Variants in DACH1 observed in about 807,000 individuals in gnomAD.
The protein encoded by DACH1 is dachshund family transcription factor 1.
Under a neutral mutation model 54.2 loss-of-function variants are expected in DACH1, and 12 were observed. The ratio of observed to expected loss-of-function variants is 0.22; its 90% CI spans 0.14 to 0.36. The LOEUF (loss-of-function observed/expected upper bound fraction) is 0.36, where lower values mean the gene tolerates loss of function less well. DACH1 is among the 10% of genes least tolerant of loss of function. The probability of loss-of-function intolerance (pLI) is 1.00; values close to 1 mark genes in which losing one functional copy is unlikely to be tolerated. For synonymous variants in DACH1, 386 were observed against 366.2 expected, an observed-to-expected ratio of 1.05 and a Z score of -0.62; for missense variants, 805 against 929.8, an observed-to-expected ratio of 0.87 and a Z score of 1.75.
intron 1 of DACH1, among the ~76,000 whole-genome samples, chr13:71,712,645 T>A (rs1882773974): frequency 6.6e-6 from 1 of 152,188 alleles, no homozygotes; most frequent in Non-Finnish European, 1.5e-5. Context: ...CATGCTGGCC[T>A]ATTACATATC....
At chr13:71,606,153 T>C (rs1340501036) in intron 3 of DACH1, among the ~76,000 whole-genome samples, 1 of 152,128 alleles carries the variant, frequency 6.6e-6, no homozygotes, top group Non-Finnish European at 1.5e-5. Flanking sequence ...ACCTTCATTA[T>C]GCTGCTTAAC....
At chr13:71,444,958 C>T (rs1874319640) in intron 10 of DACH1, among the ~76,000 whole-genome samples, 1 of 152,100 alleles carries the variant, frequency 6.6e-6, no homozygotes, top group South Asian at 2.1e-4. Context: ...CCTTCTGCTG[C>T]CTCCTATTGA....
chr13:71,595,624 C>A (rs1874043677), intron 3 of DACH1, among the ~76,000 whole-genome samples: 2 of 152,028 alleles, frequency 1.3e-5, no homozygotes, highest in African/African-American at 4.8e-5. Flanking sequence ...AAAAAAATTC[C>A]CAAAGACTTG....
chr13:71,806,518 A>C (rs1454788985), intron 1 of DACH1, among the ~76,000 whole-genome samples: 2 of 152,200 alleles, frequency 1.3e-5, no homozygotes, highest in African/African-American at 4.8e-5. Context: ...CCTTATAGGC[A>C]GTCAGCCACT....
At position 71,439,938 on chromosome 13, in the gene DACH1, C is replaced by T. The variant is rs9529895; in HGVS notation, c.*717G>A. 0.78 allele frequency: 118,799 copies of T among 152,092 alleles called. 48,872 individuals are homozygous for T. Among genetic ancestry groups the T allele is most frequent in the South Asian group, 0.9 (4,353 of 4,814 alleles). 9.4% of individuals were successfully genotyped at this position (152,092 alleles called of 1,614,324 possible). On this transcript the variant is annotated 3_prime_UTR_variant, in exon 11 of 11. Transcript: ENST00000613252. ...CAGTTTGGAATGAAAACATGTTACA[C>T]TTATATATTTTTTTTTATTTTTAAG...
rs540730866 is a variant in DACH1, at chr13:71,654,389, CAAAATAAAATAAAATAAAATAAAAT to C, written c.965-23697_965-23673del. On this transcript the variant is annotated intron_variant, in intron 2 of 10. Transcript: ENST00000613252. Reference sequence around the variant, plus strand: ...TGGGCGACAGAGTGAGACTCTGTCTCAAAATAAAATAAAATAAAATAAAATAAAATAAAATAAAATAAAATAAAAT... The same window carrying C: ...TGGGCGACAGAGTGAGACTCTGTCTCAAAATAAAATAAAATAAAATAAAAT... 7.1e-3 allele frequency among the ~76,000 whole-genome samples: 427 copies of C among 60,374 alleles called. 12 individuals are homozygous for C. The highest frequency in any genetic ancestry group is 0.023 in the African/African-American group (366 of 15,918). 39.6% of individuals were successfully genotyped at this position (60,374 alleles called of 152,430 possible).
At chr13:71,694,197 C>A (rs978494588) in intron 1 of DACH1, among the ~76,000 whole-genome samples, 1 of 139,522 alleles carries the variant, frequency 7.2e-6, no homozygotes. Context: ...AACCTGTAAA[C>A]ACACACACAC....
chr13:71,744,155 CAAAG>C lies in DACH1; in HGVS notation c.849-62249_849-62246del, dbSNP rs548435196. On this transcript the variant is annotated intron_variant, in intron 1 of 10. Transcript: ENST00000613252. Reference sequence around the variant, plus strand: ...CCTCCCTAAATAGTAGAAAAAGCAACAAAGAAAGGTTGAACCATTTGATGATTTG... The same window carrying C: ...CCTCCCTAAATAGTAGAAAAAGCAACAAAGGTTGAACCATTTGATGATTTG... 2.1e-4 allele frequency among the ~76,000 whole-genome samples: 32 copies of C among 152,134 alleles called. 1 individual carries two copies. In the South Asian group the frequency reaches 6.6e-3, roughly 32 times the overall value.
At chr13:71,491,012 A>G (rs1352010972) in intron 6 of DACH1, among the ~76,000 whole-genome samples, 1 of 152,168 alleles carries the variant, frequency 6.6e-6, no homozygotes, top group African/African-American at 2.4e-5. Context: ...ATAAAGAATC[A>G]TATGTATGTG....
chr13:71,717,644 A>G (rs1303105371), intron 1 of DACH1, among the ~76,000 whole-genome samples: 1 of 151,776 alleles, frequency 6.6e-6, no homozygotes, highest in Non-Finnish European at 1.5e-5. Flanking sequence ...TAAATTGTCC[A>G]TTTCGTAACT....
chr13:71,477,104 A>ATATATATT (rs1566282945), intron 8 of DACH1, among the ~76,000 whole-genome samples: 3 of 43,254 alleles, frequency 6.9e-5, no homozygotes, highest in African/African-American at 2.6e-4. Flanking sequence ...ATATATATAT[A>ATATATATT]TTTTTTTTTT....
chr13:71,552,700 GT>G (rs1883891243), intron 6 of DACH1, among the ~76,000 whole-genome samples: 1 of 146,894 alleles, frequency 6.8e-6, no homozygotes, highest in African/African-American at 2.5e-5. Flanking sequence ...GATCAGCAAT[GT>G]TTTAAAACAC....
At chr13:71,588,038 C>T (rs1226688213) in intron 3 of DACH1, among the ~76,000 whole-genome samples, 3 of 152,050 alleles carry the variant, frequency 2.0e-5, no homozygotes, top group African/African-American at 7.2e-5. Context: ...TAAGTAATAA[C>T]TTTAGCGATT....
intron 1 of DACH1, among the ~76,000 whole-genome samples, chr13:71,740,420 A>G (rs1444411872): frequency 6.6e-6 from 1 of 152,206 alleles, no homozygotes; most frequent in Non-Finnish European, 1.5e-5. Flanking sequence ...CCAACTAAAC[A>G]TGAAGCACAG....
chr13:71,559,938 G>C lies in DACH1; in HGVS notation c.1317C>G (p.Ser439Arg). The C allele has an allele frequency of 6.3e-7, 1 of 1,588,222 alleles. No homozygotes were observed. The highest frequency in any genetic ancestry group is 8.6e-7 in the Non-Finnish European group (1 of 1,168,278). Residue 439 changes from serine (S) to arginine (R), a missense_variant, in exon 5 of 11, where the codon AGC (serine) becomes AGG (arginine). Coordinates refer to ENST00000613252, the MANE Select transcript of DACH1 (RefSeq NM_080759.6). ...TSVIKERVPDSPSPAPSLEEG... is the reference protein window; with the variant it reads ...TSVIKERVPDRPSPAPSLEEG... ...CCTCCAGAGAGGGGGCAGGTGAGGG[G>C]CTATCAGGAACACGCTCCTGCACCA... is the stretch of plus-strand genomic sequence containing the variant.
intron 10 of DACH1, among the ~76,000 whole-genome samples, chr13:71,471,336 G>A (rs1593745998): frequency 6.6e-6 from 1 of 151,934 alleles, no homozygotes; most frequent in African/African-American, 2.4e-5. Context: ...GATACATACC[G>A]TTTTGTGCAC....
chr13:71,531,928 A>G (rs1436842639), intron 6 of DACH1, among the ~76,000 whole-genome samples: 2 of 151,712 alleles, frequency 1.3e-5, no homozygotes, highest in Admixed American at 6.6e-5. Context: ...TCACATATAT[A>G]TGTGTGTGTA....
chr13:71,730,991 C>T (rs1034016148), intron 1 of DACH1, among the ~76,000 whole-genome samples: 7 of 151,674 alleles, frequency 4.6e-5, no homozygotes, highest in African/African-American at 1.7e-4. Context: ...TTTTTTCAAA[C>T]GGAATACAGT....
intron 6 of DACH1, among the ~76,000 whole-genome samples, chr13:71,530,934 A>G (rs999885105): frequency 7.9e-5 from 12 of 152,184 alleles, no homozygotes; most frequent in Admixed American, 7.2e-4. Flanking sequence ...AGTTGGATTT[A>G]GAGTATCATC....
Sources: gnomAD v4.1 joint callset for allele counts (sites outside exome capture counted in the v4.1 genomes callset) on GRCh38, gnomAD v4.1.1 for gene constraint, MANE v1.5 for transcripts, NCBI Gene and HGNC (gene_info 2026-07-23, HGNC 2026-07-21) for gene names.